The following CALN1 variants were observed in gnomAD, a reference collection of about 807,000 sequenced individuals.
The protein encoded by CALN1 is calneuron 1, also known as calcium-binding protein 8.
In CALN1, 17 loss-of-function variants were observed where a neutral mutation model predicts 30.6. The ratio of observed to expected loss-of-function variants is 0.56; its 90% CI spans 0.38 to 0.83. The LOEUF (loss-of-function observed/expected upper bound fraction) is 0.83. CALN1 is among the 40% of genes least tolerant of loss of function. CALN1 has a pLI of 0.00. For missense variants in CALN1, 291 were observed against 354.9 expected (o/e 0.82, Z 1.45); for synonymous variants, 156 against 131.4 (o/e 1.19, Z -1.28).
At chr7:72,439,701 T>C (rs1188979942) in intron 1 of CALN1, among the ~76,000 whole-genome samples, 2 of 151,660 alleles carry the variant, frequency 1.3e-5, no homozygotes, top group Non-Finnish European at 2.9e-5. Context: ...CTCAGCCTCC[T>C]GAGTAGCTGG....
intron 2 of CALN1, chr7:72,336,755 G>T (rs1802077995): frequency 1.0e-6 from 1 of 985,202 alleles, no homozygotes; most frequent in Non-Finnish European, 1.2e-6. Context: ...CCTCCGCACA[G>T]CGCGGGGGGC....
chr7:72,357,868 G>GT (rs535228731), intron 2 of CALN1, among the ~76,000 whole-genome samples: 36 of 146,926 alleles, frequency 2.5e-4, no homozygotes, highest in South Asian at 1.1e-3. Flanking sequence ...ATATATGTGT[G>GT]TTTTTTTTTA....
At chr7:71,878,856 C>T (rs2116796451) in intron 5 of CALN1, among the ~76,000 whole-genome samples, 1 of 152,322 alleles carries the variant, frequency 6.6e-6, no homozygotes, top group South Asian at 2.1e-4. Flanking sequence ...GACCCAGAGA[C>T]CACAGCCGTG....
intron 5 of CALN1, among the ~76,000 whole-genome samples, chr7:71,979,673 T>TG: frequency 6.6e-6 from 1 of 152,090 alleles, no homozygotes; most frequent in Middle Eastern, 3.4e-3. Flanking sequence ...GCCGGGGGGT[T>TG]GGGGACCCCT....
At chr7:72,322,110 C>A (rs962581552) in intron 2 of CALN1, among the ~76,000 whole-genome samples, 7 of 152,140 alleles carry the variant, frequency 4.6e-5, no homozygotes, top group Non-Finnish European at 7.3e-5. Context: ...CTACAACTCA[C>A]CATCATGTAG....
chr7:72,041,378 ATTTT>A (rs916396843), intron 4 of CALN1, among the ~76,000 whole-genome samples: 1 of 150,922 alleles, frequency 6.6e-6, no homozygotes, highest in African/African-American at 2.4e-5. Context: ...CCCCGCCCAA[ATTTT>A]TTTTATTTTT....
At chr7:71,822,194 C>T (rs1380419636) in intron 5 of CALN1, among the ~76,000 whole-genome samples, 2 of 152,244 alleles carry the variant, frequency 1.3e-5, no homozygotes, top group Admixed American at 6.5e-5. Context: ...GAGTCTAATT[C>T]CATTTTTATA....
chr7:72,440,581 C>A (rs1410843058), intron 1 of CALN1, among the ~76,000 whole-genome samples: 1 of 152,182 alleles, frequency 6.6e-6, no homozygotes, highest in African/African-American at 2.4e-5. Flanking sequence ...AATCCCAGCA[C>A]TTTGGAAGGC....
At chr7:72,041,630 C>T (rs907780013) in intron 4 of CALN1, among the ~76,000 whole-genome samples, 2 of 152,086 alleles carry the variant, frequency 1.3e-5, no homozygotes, top group African/African-American at 4.8e-5. Flanking sequence ...GTGATCTGCC[C>T]ACCTCAGCCT....
At chr7:72,143,319 G>A (rs1452095905) in intron 3 of CALN1, among the ~76,000 whole-genome samples, 2 of 152,190 alleles carry the variant, frequency 1.3e-5, no homozygotes, top group East Asian at 1.9e-4. Context: ...CGAGAACTAC[G>A]TGAAGAATGC....
At chr7:71,797,604 G>T (rs1787007094) in intron 6 of CALN1, among the ~76,000 whole-genome samples, 1 of 152,126 alleles carries the variant, frequency 6.6e-6, no homozygotes, top group African/African-American at 2.4e-5. Context: ...GGGGCTGGGA[G>T]CTGGTCCCTT....
At chr7:72,250,158 G>A (rs1795457111) in intron 3 of CALN1, among the ~76,000 whole-genome samples, 2 of 152,052 alleles carry the variant, frequency 1.3e-5, no homozygotes, top group African/African-American at 4.8e-5. Context: ...CTATCTTAAT[G>A]CAGTGTTCAT....
intron 1 of CALN1, among the ~76,000 whole-genome samples, chr7:72,405,114 TGA>T (rs766275027): frequency 2.1e-4 from 32 of 152,144 alleles, no homozygotes; most frequent in Non-Finnish European, 3.8e-4. Context: ...ACAGGAATGA[TGA>T]GATACGACAG....
intron 6 of CALN1, among the ~76,000 whole-genome samples, chr7:71,795,070 TGGAGTGCAGTG>T (rs139587454): frequency 0.013 from 2,043 of 152,286 alleles, 39 homozygotes; most frequent in African/African-American, 0.045. Flanking sequence ...GTTGCCAGGC[TGGAGTGCAGTG>T]GCACGATATT....
chr7:72,390,168 C>G (rs1215251241), intron 2 of CALN1, among the ~76,000 whole-genome samples: 1 of 151,810 alleles, frequency 6.6e-6, no homozygotes, highest in Non-Finnish European at 1.5e-5. Context: ...CGGCGACTCA[C>G]CCCTGTAATC....
intron 5 of CALN1, among the ~76,000 whole-genome samples, chr7:71,948,431 T>C (rs892800636): frequency 1.3e-5 from 2 of 152,000 alleles, no homozygotes; most frequent in Admixed American, 6.6e-5. Context: ...CTGAGCTCCA[T>C]TAGAATTTGG....
intron 2 of CALN1, among the ~76,000 whole-genome samples, chr7:72,304,558 G>A (rs1256878467): frequency 1.3e-5 from 2 of 152,296 alleles, no homozygotes; most frequent in East Asian, 3.9e-4. Flanking sequence ...TCACTGAGAT[G>A]AAAAATGGCT....
intron 2 of CALN1, among the ~76,000 whole-genome samples, chr7:72,335,051 T>C (rs1801921444): frequency 6.6e-6 from 1 of 152,130 alleles, no homozygotes; most frequent in Admixed American, 6.5e-5. Context: ...AATCCTAAAC[T>C]GGGCGTGGTG....
chr7:72,141,849 G>GT lies in CALN1; in HGVS notation c.245-35556dup, dbSNP rs376951381. Among the ~76,000 whole-genome samples, 577 of 152,258 alleles carry GT rather than the reference G, an allele frequency of 3.8e-3. 5 individuals carry two copies. Among genetic ancestry groups the GT allele is most frequent in the African/African-American group, 0.012 (518 of 41,562 alleles). On this transcript the variant is annotated intron_variant, in intron 3 of 6. Coordinates refer to ENST00000395275, the MANE Select transcript of CALN1 (RefSeq NM_031468.4). ...CTCCCAAAGTGCTGGGATTACAGGT[G>GT]TGAGTCACTGTGCCGGGCCAACATC... is the stretch of plus-strand genomic sequence containing the variant.
Sources: allele counts gnomAD v4.1 joint callset (sites outside exome capture counted in the v4.1 genomes callset), GRCh38; gene constraint gnomAD v4.1.1; transcripts MANE v1.5; gene names NCBI Gene and HGNC (gene_info 2026-07-23, HGNC 2026-07-21).